NAALADL2: variants seen among roughly 807,000 people sequenced by gnomAD.
NAALADL2 encodes the protein inactive N-acetylated-alpha-linked acidic dipeptidase-like protein 2.
NAALADL2 carries 76 observed loss-of-function variants against 87.2 expected under a neutral mutation model. The ratio of observed to expected loss-of-function variants is 0.87; its 90% CI spans 0.72 to 1.05. The LOEUF is 1.05. Among genes scored for constraint, NAALADL2 ranks in the 50% least tolerant of loss-of-function variants. NAALADL2 has a pLI of 0.00. For missense variants in NAALADL2, 1,089 were observed against 945.8 expected, an observed-to-expected ratio of 1.15 and a Z score of -1.99; for synonymous variants, 354 against 331.0, an observed-to-expected ratio of 1.07 and a Z score of -0.75.
chr3:174,906,130 A>G (rs1200890537), intron 1 of NAALADL2, among the ~76,000 whole-genome samples: 2 of 152,090 alleles, frequency 1.3e-5, no homozygotes, highest in African/African-American at 4.8e-5. Context: ...ATTGTACATT[A>G]TATTTCTCAA....
intron 2 of NAALADL2, among the ~76,000 whole-genome samples, chr3:175,160,794 A>G (rs1055290696): frequency 6.6e-5 from 10 of 152,122 alleles, no homozygotes; most frequent in African/African-American, 2.4e-4. Flanking sequence ...AACTTTCACC[A>G]TTTCGGGAGA....
At chr3:174,717,099 A>G (rs544840339) in intron 2 of NAALADL2, among the ~76,000 whole-genome samples, 1 of 152,200 alleles carries the variant, frequency 6.6e-6, no homozygotes, top group Non-Finnish European at 1.5e-5. Context: ...ATGTTCTGAA[A>G]ACCTAGACTG....
chr3:174,632,672 A>C (rs1338430045), intron 2 of NAALADL2, among the ~76,000 whole-genome samples: 4 of 152,134 alleles, frequency 2.6e-5, no homozygotes, highest in Non-Finnish European at 5.9e-5. Context: ...GCAGTGGCTC[A>C]TGCCTGTAAT....
intron 1 of NAALADL2, among the ~76,000 whole-genome samples, chr3:174,965,073 G>T (rs570456172): frequency 6.6e-6 from 1 of 152,170 alleles, no homozygotes; most frequent in South Asian, 2.1e-4. Flanking sequence ...GCTGGTTCTA[G>T]CTCAGGGTTT....
chr3:175,460,494 G>C (rs1450371695), intron 6 of NAALADL2, among the ~76,000 whole-genome samples: 1 of 152,124 alleles, frequency 6.6e-6, no homozygotes, highest in Non-Finnish European at 1.5e-5. Context: ...CAGAGCAAAA[G>C]ATTAGGTTTA....
At chr3:175,693,668 G>T (rs1228124773) in intron 11 of NAALADL2, among the ~76,000 whole-genome samples, 2 of 151,988 alleles carry the variant, frequency 1.3e-5, no homozygotes, top group African/African-American at 4.8e-5. Context: ...AAAATTCTCA[G>T]AAAAGTGACA....
chr3:174,736,157 C>A (rs900223434), intron 2 of NAALADL2, among the ~76,000 whole-genome samples: 4 of 152,146 alleles, frequency 2.6e-5, no homozygotes, highest in Non-Finnish European at 5.9e-5. Context: ...AGTGTCACAG[C>A]CCTGGCTCAG....
intron 10 of NAALADL2, among the ~76,000 whole-genome samples, chr3:175,594,593 A>G (rs1359738981): frequency 2.0e-5 from 3 of 152,166 alleles, no homozygotes; most frequent in Admixed American, 6.6e-5. Flanking sequence ...TGCTTTCCAC[A>G]GGGGCTGAAC....
At chr3:175,697,824 TATATATGTGTATTTATGTATAC>T (rs1374810950) in intron 11 of NAALADL2, among the ~76,000 whole-genome samples, 5 of 103,434 alleles carry the variant, frequency 4.8e-5, no homozygotes, top group Non-Finnish European at 8.5e-5. Flanking sequence ...TATGTATACA[TATATATGTGTATTTATGTATAC>T]ATATATATGT....
At chr3:175,343,161 TA>T (rs1490566601) in intron 5 of NAALADL2, among the ~76,000 whole-genome samples, 2 of 151,992 alleles carry the variant, frequency 1.3e-5, no homozygotes, top group African/African-American at 4.8e-5. Flanking sequence ...TTGTGCACAT[TA>T]AAAAAATGAA....
chr3:174,796,258 ACAATTTTGTT>A (rs1381388995), intron 3 of NAALADL2, among the ~76,000 whole-genome samples: 10 of 152,330 alleles, frequency 6.6e-5, no homozygotes, highest in African/African-American at 2.4e-4. Flanking sequence ...GGGTACAAGT[ACAATTTTGTT>A]ATATGAGTAT....
At chr3:174,452,117 A>G (rs1042814117) in intron 1 of NAALADL2, among the ~76,000 whole-genome samples, 1 of 152,026 alleles carries the variant, frequency 6.6e-6, no homozygotes, top group Non-Finnish European at 1.5e-5. Context: ...TGCTGGAATT[A>G]TAGGCATGAG....
intron 9 of NAALADL2, among the ~76,000 whole-genome samples, chr3:175,557,925 T>TCGC (rs1715555638): frequency 6.6e-6 from 1 of 152,268 alleles, no homozygotes; most frequent in Admixed American, 6.5e-5. Context: ...CCGGGCGCGG[T>TCGC]GGCTCACGCC....
At chr3:174,830,034 A>C in intron 3 of NAALADL2, among the ~76,000 whole-genome samples, 1 of 123,424 alleles carries the variant, frequency 8.1e-6, no homozygotes, top group Non-Finnish European at 1.7e-5. Flanking sequence ...TCAGATGAGT[A>C]GGTTGTGAAA....
At position 175,327,148 on chromosome 3, in the gene NAALADL2, C is replaced by CTTTTTTTTTTTT. The variant is rs35198621; in HGVS notation, c.1090+2835_1090+2846dup. Among the ~76,000 whole-genome samples, 57 of 99,500 alleles carry CTTTTTTTTTTTT rather than the reference C, an allele frequency of 5.7e-4. 1 individual carries two copies. Among genetic ancestry groups the CTTTTTTTTTTTT allele is most frequent in the African/African-American group, 1.1e-3 (27 of 23,804 alleles). The allele number at this position is 99,500 out of a possible 152,430, so 65.3% of individuals were successfully genotyped here. ...CCAGCTTTATCAACTGTCTACATTT[C>CTTTTTTTTTTTT]TTTTTTTTTTTTTTTTTTTTTTTCT... is the stretch of plus-strand genomic sequence containing the variant. On this transcript the variant is annotated intron_variant, in intron 5 of 13. Transcript: ENST00000454872.
intron 4 of NAALADL2, among the ~76,000 whole-genome samples, chr3:175,282,540 A>C (rs1754440777): frequency 1.3e-5 from 2 of 152,050 alleles, no homozygotes; most frequent in African/African-American, 4.8e-5. Context: ...CTAACTTTGA[A>C]AAAAATGAAA....
intron 1 of NAALADL2, among the ~76,000 whole-genome samples, chr3:174,944,324 G>T (rs1418258475): frequency 6.6e-6 from 1 of 152,152 alleles, no homozygotes; most frequent in Admixed American, 6.5e-5. Flanking sequence ...TCATAGAGCA[G>T]CTGTGCTGTG....
chr3:174,715,669 T>C (rs1473038260), intron 2 of NAALADL2, among the ~76,000 whole-genome samples: 1 of 152,192 alleles, frequency 6.6e-6, no homozygotes, highest in Non-Finnish European at 1.5e-5. Flanking sequence ...CAAATGGTTA[T>C]AGAAAGCATT....
intron 1 of NAALADL2, among the ~76,000 whole-genome samples, chr3:175,064,458 G>A (rs1714169921): frequency 6.6e-6 from 1 of 152,160 alleles, no homozygotes; most frequent in African/African-American, 2.4e-5. Flanking sequence ...CTCAGGGCTG[G>A]CATCCAGGGC....
Sources: gnomAD v4.1 joint callset for allele counts (sites outside exome capture counted in the v4.1 genomes callset) on GRCh38, gnomAD v4.1.1 for gene constraint, MANE v1.5 for transcripts, NCBI Gene and HGNC (gene_info 2026-07-23, HGNC 2026-07-21) for gene names.